The following COP1 variants were observed in gnomAD, a reference collection of about 807,000 sequenced individuals.
COP1 encodes the protein E3 ubiquitin-protein ligase COP1.
COP1 carries 24 observed loss-of-function variants against 101.3 expected under a neutral mutation model. The observed-to-expected ratio is 0.24, with a 90% CI of 0.17 to 0.33. The LOEUF (loss-of-function observed/expected upper bound fraction) is 0.33, where lower values mean the gene tolerates loss of function less well. COP1 is among the 10% of genes least tolerant of loss of function. The pLI, the probability that COP1 is intolerant of heterozygous loss-of-function variation, is 1.00. For missense variants in COP1, 663 were observed against 906.2 expected (o/e 0.73, Z 3.45); for synonymous variants, 347 against 341.9 (o/e 1.01, Z -0.17).
intron 11 of COP1, among the ~76,000 whole-genome samples, chr1:176,052,392 G>A (rs979167931): frequency 6.6e-6 from 1 of 152,152 alleles, no homozygotes; most frequent in African/African-American, 2.4e-5. Context: ...ATTCACAGAA[G>A]TATATATTGG....
rs142567932 is a variant in COP1, at chr1:176,069,675, C to T, written c.1277+11477G>A. On this transcript the variant is annotated intron_variant, in intron 11 of 19. Transcript: ENST00000367669. ...CTTACTGCATAAGCTCTTTAAGGAC[C>T]CTTTGACACCTTGCCAGCAAATCTA... Among the ~76,000 whole-genome samples, 3 of 152,242 alleles carry T rather than the reference C, an allele frequency of 2.0e-5. No homozygotes were observed. The East Asian group carries it at 5.8e-4, about 29-fold the overall frequency.
intron 1 of COP1, among the ~76,000 whole-genome samples, chr1:176,188,677 G>C (rs931306075): frequency 2.0e-5 from 3 of 151,888 alleles, no homozygotes; most frequent in Non-Finnish European, 4.4e-5. Context: ...AGTGATCTTT[G>C]ATGTTACTAC....
chr1:175,951,982 A>C (rs1341434721), intron 18 of COP1, among the ~76,000 whole-genome samples: 3 of 152,230 alleles, frequency 2.0e-5, no homozygotes, highest in Non-Finnish European at 4.4e-5. Flanking sequence ...ATCAAGGCAC[A>C]CCACAGTTAC....
At chr1:176,141,514 A>ATACT (rs892210089) in intron 6 of COP1, among the ~76,000 whole-genome samples, 1 of 152,024 alleles carries the variant, frequency 6.6e-6, no homozygotes, top group Non-Finnish European at 1.5e-5. Context: ...AAATACATAC[A>ATACT]TACATACATA....
intron 3 of COP1, among the ~76,000 whole-genome samples, chr1:176,173,667 T>A (rs1696464087): frequency 6.7e-6 from 1 of 150,250 alleles, no homozygotes; most frequent in East Asian, 2.0e-4. Flanking sequence ...TAAATGTGAC[T>A]TCACTGTTCA....
chr1:176,185,718 G>C (rs1698362316), intron 1 of COP1, among the ~76,000 whole-genome samples: 1 of 152,186 alleles, frequency 6.6e-6, no homozygotes, highest in Non-Finnish European at 1.5e-5. Flanking sequence ...GAGGATACTG[G>C]TTCCTGGATG....
At chr1:176,149,956 GA>G (rs1326314235) in intron 5 of COP1, among the ~76,000 whole-genome samples, 1 of 151,938 alleles carries the variant, frequency 6.6e-6, no homozygotes, top group African/African-American at 2.4e-5. Context: ...AAAATACATG[GA>G]AAAAAAGATT....
At chr1:176,156,960 G>A (rs1693544399) in intron 5 of COP1, among the ~76,000 whole-genome samples, 1 of 152,118 alleles carries the variant, frequency 6.6e-6, no homozygotes, top group Non-Finnish European at 1.5e-5. Flanking sequence ...CACTTTTGGA[G>A]GCCAAGGCAG....
chr1:176,159,879 A>G (rs1432352287), intron 5 of COP1, among the ~76,000 whole-genome samples: 1 of 152,212 alleles, frequency 6.6e-6, no homozygotes, highest in Admixed American at 6.5e-5. Context: ...GAAAATAATT[A>G]CTTCTTAAGT....
chr1:176,106,262 C>T (rs890519921), intron 9 of COP1, among the ~76,000 whole-genome samples: 1 of 152,110 alleles, frequency 6.6e-6, no homozygotes, highest in Non-Finnish European at 1.5e-5. Flanking sequence ...AACTTCTGAC[C>T]TCAGGTGGTC....
chr1:176,066,738 G>T (rs12068642), intron 11 of COP1, among the ~76,000 whole-genome samples: 133 of 152,238 alleles, frequency 8.7e-4, no homozygotes, highest in African/African-American at 3.1e-3. Flanking sequence ...ATTTCACTAT[G>T]AAATTCCTTC....
chr1:176,115,343 G>A (rs967661929), intron 9 of COP1, among the ~76,000 whole-genome samples: 7 of 152,250 alleles, frequency 4.6e-5, no homozygotes, highest in Admixed American at 1.3e-4. Context: ...CCAGCCACTC[G>A]GGAGGCTGAG....
chr1:176,095,441 G>A (rs1262099027), intron 9 of COP1, among the ~76,000 whole-genome samples: 2 of 152,178 alleles, frequency 1.3e-5, no homozygotes, highest in East Asian at 3.9e-4. Flanking sequence ...CCAGCTCTTT[G>A]GGAGGCCAAG....
At chr1:176,059,005 G>C (rs867251612) in intron 11 of COP1, among the ~76,000 whole-genome samples, 2 of 152,200 alleles carry the variant, frequency 1.3e-5, no homozygotes, top group Admixed American at 1.3e-4. Context: ...ACATGGATTG[G>C]AGCTTTGAAG....
intron 15 of COP1, among the ~76,000 whole-genome samples, chr1:176,004,617 T>A (rs527574343): frequency 6.6e-6 from 1 of 152,150 alleles, no homozygotes; most frequent in South Asian, 2.1e-4. Context: ...AATCATGTGG[T>A]TTTTGTCTTT....
At chr1:176,023,030 A>G (rs1168349674) in intron 15 of COP1, among the ~76,000 whole-genome samples, 3 of 152,162 alleles carry the variant, frequency 2.0e-5, no homozygotes, top group Non-Finnish European at 2.9e-5. Context: ...TCTAGTTTCT[A>G]GCTTTGTGGG....
intron 5 of COP1, among the ~76,000 whole-genome samples, chr1:176,159,438 C>T (rs1009757373): frequency 6.6e-6 from 1 of 152,142 alleles, no homozygotes; most frequent in African/African-American, 2.4e-5. Context: ...CACAAATCCA[C>T]AGAAGAGCAA....
At chr1:176,187,708 T>C (rs957798511) in intron 1 of COP1, among the ~76,000 whole-genome samples, 2 of 152,174 alleles carry the variant, frequency 1.3e-5, no homozygotes, top group Non-Finnish European at 2.9e-5. Flanking sequence ...ATTTATATCA[T>C]AGAATCATTA....
intron 11 of COP1, among the ~76,000 whole-genome samples, chr1:176,058,512 T>C (rs1453592200): frequency 2.6e-5 from 4 of 152,096 alleles, no homozygotes; most frequent in Admixed American, 1.3e-4. Flanking sequence ...GTTAAATGGA[T>C]TAAGGGCGGT....
Sources: gnomAD v4.1 joint callset for allele counts (sites outside exome capture counted in the v4.1 genomes callset) on GRCh38, gnomAD v4.1.1 for gene constraint, MANE v1.5 for transcripts, NCBI Gene and HGNC (gene_info 2026-07-23, HGNC 2026-07-21) for gene names.